Variants in EIF2D observed in about 807,000 individuals in gnomAD.
EIF2D encodes the protein hepatocellular carcinoma-associated antigen 56.
Under a neutral mutation model 77.4 loss-of-function variants are expected in EIF2D, and 56 were observed. That is an observed-to-expected ratio of 0.72 (90% CI 0.58 to 0.90). The LOEUF is 0.90. Ranked by LOEUF, EIF2D falls within the 40% of genes least tolerant of loss-of-function variation. The pLI, the probability that EIF2D is intolerant of heterozygous loss-of-function variation, is 0.00. For synonymous variants in EIF2D, 230 were observed against 271.0 expected, an observed-to-expected ratio of 0.85 and a Z score of 1.49; for missense variants, 574 against 706.5, an observed-to-expected ratio of 0.81 and a Z score of 2.13.
chr1:206,597,274 C>A, intron 11 of EIF2D, 79 bp from the exon 12 acceptor site: 1 of 1,058,110 alleles, frequency 9.5e-7, no homozygotes, highest in South Asian at 1.3e-5. Context: ...ATTCATCTCT[C>A]GTACGGCCTT....
chr1:206,572,038 T>C lies in EIF2D; in HGVS notation c.*360-545A>G, dbSNP rs550671055. ...AAATGGAAAGGATTTGGGTCATCTA[T>C]TTTCAGAAGCAGAGGACAGAATTCT... On this transcript the variant is annotated intron_variant and NMD_transcript_variant, in intron 5 of 5. Coordinates refer to the EIF2D transcript ENST00000472709. Among the ~76,000 whole-genome samples, 160 of 152,272 alleles carry C rather than the reference T, an allele frequency of 1.1e-3. 1 individual carries two copies. Among genetic ancestry groups the C allele is most frequent in the Non-Finnish European group, 3.5e-4 (24 of 68,012 alleles).
downstream of EIF2D, among the ~76,000 whole-genome samples, chr1:206,589,634 A>AATT (rs1669279287): frequency 6.6e-6 from 1 of 151,852 alleles, no homozygotes; most frequent in African/African-American, 2.4e-5. Flanking sequence ...CTACTTCTGG[A>AATT]ATTATTTAAA....
In EIF2D at chr1:206,593,508, A is replaced by AGTGTGTGTGTGCAT. The variant is rs371749910; in HGVS notation, c.1684+110_1684+111insATGCACACACACAC. The AGTGTGTGTGTGCAT allele has an allele frequency of 7.5e-6, 3 of 401,514 alleles. No homozygotes were observed. The Admixed American group carries it at 1.3e-4, about 18-fold the overall frequency. The allele number at this position is 401,514 out of a possible 1,614,324, so 24.9% of individuals were successfully genotyped here. A position where few individuals can be genotyped will look rare whatever the true frequency, so the allele number is the denominator to read the frequency against. On this transcript the variant is annotated intron_variant, in intron 14 of 14. Transcript: ENST00000271764. Reference sequence around the variant, plus strand: ...GAGAGCGAGAGAGAGAGAGAGAGAGAGTGTGTGTGTGTGTGTGTGTGTGTG... The same window carrying AGTGTGTGTGTGCAT: ...GAGAGCGAGAGAGAGAGAGAGAGAGAGTGTGTGTGTGCATGTGTGTGTGTGTGTGTGTGTGTGTG...
chr1:206,599,159 A>C lies in EIF2D; in HGVS notation c.1203-67T>G, dbSNP rs1553410763. ...CCATGAGACAAAAATGCAGATGCCC[A>C]GACTCACTCCCTGCTGAGCAGGGAA... On this transcript the variant is annotated intron_variant, in intron 10 of 14. Transcript: ENST00000271764. The surrounding 1 kb of genome is among the most constrained non-coding windows in gnomAD (Gnocchi z 4.1). The C allele has an allele frequency of 6.2e-6, 9 of 1,459,512 alleles. No homozygotes were observed. Among genetic ancestry groups the C allele is most frequent in the Admixed American group, 3.5e-5 (2 of 56,562 alleles). 90.4% of individuals were successfully genotyped at this position (1,459,512 alleles called of 1,614,324 possible).
intron 5 of EIF2D, among the ~76,000 whole-genome samples, chr1:206,571,880 C>T (rs1473772978): frequency 6.6e-6 from 1 of 152,314 alleles, no homozygotes; most frequent in Non-Finnish European, 1.5e-5. Context: ...CTCCTGAGGG[C>T]ATAAGATGTC....
downstream of EIF2D, chr1:206,588,649 G>A (rs1192425841): frequency 6.6e-6 from 1 of 152,402 alleles, no homozygotes; most frequent in Non-Finnish European, 1.5e-5. Flanking sequence ...CAGAAGGAAT[G>A]CTGACCCCTC....
At chr1:206,583,536 C>T in intron 2 of EIF2D, 1 of 616,758 alleles carries the variant, frequency 1.6e-6, no homozygotes. Context: ...GGCTGATAGC[C>T]AGAGCCCTCA....
chr1:206,602,665 A>G lies in EIF2D; in HGVS notation c.785-212T>C, dbSNP rs1260010569. 1.3e-5 allele frequency: 8 copies of G among 632,896 alleles called. No homozygotes were observed. The African/African-American group carries it at 1.5e-4, about 12-fold the overall frequency. 39.2% of individuals were successfully genotyped at this position (632,896 alleles called of 1,614,324 possible). A position where few individuals can be genotyped will look rare whatever the true frequency, so the allele number is the denominator to read the frequency against. Reference sequence around the variant, plus strand: ...TCAAGCCACAAAGTCCCACCAAGCTAGGAGTGTTCACCCAGAGAAGTTGAG... The same window carrying G: ...TCAAGCCACAAAGTCCCACCAAGCTGGGAGTGTTCACCCAGAGAAGTTGAG... On this transcript the variant is annotated intron_variant, in intron 6 of 14. Transcript: ENST00000271764.
rs782729323 is a variant in EIF2D at position 206,603,055 on chromosome 1, C to T, written c.680G>A (p.Gly227Glu). ...HMTLEGEEEN[G>E]EVHQAREDKS... is the part of the protein sequence containing the mutation. ...GTCTTCACGTGCCTGGTGAACCTCC[C>T]CATTCTCCTCTTCCCCCTCCAGGGT... Residue 227 changes from glycine to glutamate, a missense_variant, in exon 6 of 15, where the codon GGG (glycine) becomes GAG (glutamate). Transcript: ENST00000271764. 3.1e-6 allele frequency: 5 copies of T among 1,614,070 alleles called. No individual in the cohort carries two copies. In the East Asian group the frequency reaches 1.1e-4, roughly 36 times the overall value.
At chr1:206,594,410 T>C (rs144383931) in intron 13 of EIF2D, 1 of 152,346 alleles carries the variant, frequency 6.6e-6, no homozygotes, top group East Asian at 1.9e-4. Flanking sequence ...GTATGTGACT[T>C]TGAGATAAAA....
intron 2 of EIF2D, chr1:206,586,583 TA>T: frequency 2.5e-6 from 1 of 407,906 alleles, no homozygotes; most frequent in Non-Finnish European, 4.4e-6. Flanking sequence ...AGTTTCAAAA[TA>T]AAAACATGGT....
At chr1:206,574,921 G>A (rs777294429) in intron 4 of EIF2D, among the ~76,000 whole-genome samples, 2 of 146,730 alleles carry the variant, frequency 1.4e-5, no homozygotes, top group East Asian at 2.1e-4. Context: ...GTGCAGTGGC[G>A]CAATCTTGGC....
At chr1:206,598,667 A>G (rs180713242) in intron 11 of EIF2D, among the ~76,000 whole-genome samples, 1 of 152,330 alleles carries the variant, frequency 6.6e-6, no homozygotes, top group East Asian at 1.9e-4. Context: ...ACAAATATCT[A>G]TCAATAAAAA....
In EIF2D at chr1:206,584,319, C is replaced by G. The variant is rs1553406989; in HGVS notation, c.139-3157G>C. The G allele has an allele frequency of 6.1e-6, 9 of 1,486,914 alleles. No homozygotes were observed. The highest frequency in any genetic ancestry group is 1.4e-5 in the African/African-American group (1 of 71,712). The allele number at this position is 1,486,914 out of a possible 1,614,324, so 92.1% of individuals were successfully genotyped here. A position where few individuals can be genotyped will look rare whatever the true frequency, so the allele number is the denominator to read the frequency against. ...AGGTGGGTGCTGCTGGGGCAATGGCCCCGAGTGGCAGATATGATCATGCAA... is the reference window on the plus strand; with the variant it reads ...AGGTGGGTGCTGCTGGGGCAATGGCGCCGAGTGGCAGATATGATCATGCAA... On this transcript the variant is annotated intron_variant and NMD_transcript_variant, in intron 2 of 5. Transcript: ENST00000472709. This position sits in a 1 kb window ranked among gnomAD's most constrained non-coding sequence, Gnocchi z 4.9.
chr1:206,586,978 A>AC, downstream of EIF2D: 1 of 1,614,128 alleles, frequency 6.2e-7, no homozygotes, highest in Non-Finnish European at 8.5e-7. Context: ...AACCTGGGTA[A>AC]CCGGTCCTGC....
chr1:206,578,374 G>A (rs756822810), intron 4 of EIF2D, among the ~76,000 whole-genome samples: 7 of 152,182 alleles, frequency 4.6e-5, no homozygotes, highest in Non-Finnish European at 8.8e-5. Flanking sequence ...CATCATAATA[G>A]TATTTTTTGT....
chr1:206,598,583 T>C (rs1330308185), intron 11 of EIF2D, among the ~76,000 whole-genome samples: 3 of 152,166 alleles, frequency 2.0e-5, no homozygotes, highest in Admixed American at 2.0e-4. Flanking sequence ...AAGGTGATGA[T>C]ACCCCAAATA....
At position 206,584,282 on chromosome 1, in the gene EIF2D, A is replaced by C. The variant is rs2103571335; in HGVS notation, c.139-3120T>G. Reference sequence around the variant, plus strand: ...CCCACGTCAGCAGAGGCAGGAAAGAACTCAAGGAGACAGGTGGGTGCTGCT... The same window carrying C: ...CCCACGTCAGCAGAGGCAGGAAAGACCTCAAGGAGACAGGTGGGTGCTGCT... On this transcript the variant is annotated intron_variant and NMD_transcript_variant, in intron 2 of 5. Coordinates refer to the EIF2D transcript ENST00000472709. This position sits in a 1 kb window ranked among gnomAD's most constrained non-coding sequence, Gnocchi z 4.9. The C allele has an allele frequency of 8.9e-7, 1 of 1,119,300 alleles. No individual in the cohort carries two copies. Among genetic ancestry groups the C allele is most frequent in the East Asian group, 2.5e-5 (1 of 39,526 alleles). The allele number at this position is 1,119,300 out of a possible 1,614,324, so 69.3% of individuals were successfully genotyped here.
chr1:206,586,816 C>A (rs41303293), downstream of EIF2D: 2 of 1,609,518 alleles, frequency 1.2e-6, no homozygotes, highest in East Asian at 2.2e-5. Flanking sequence ...ATCTCCCTCT[C>A]GCCTCACAGT....
Sources: allele counts gnomAD v4.1 joint callset (sites outside exome capture counted in the v4.1 genomes callset), GRCh38; gene constraint gnomAD v4.1.1; non-coding constraint Gnocchi (gnomAD v3.1); transcripts MANE v1.5; gene names NCBI Gene and HGNC (gene_info 2026-07-23, HGNC 2026-07-21).